The following RYR2 variants were observed in gnomAD, a reference collection of about 807,000 sequenced individuals.
RYR2 encodes cardiac muscle ryanodine receptor-calcium release channel.
RYR2 carries 227 observed loss-of-function variants against 601.1 expected under a neutral mutation model. The observed-to-expected ratio is 0.38, with a 90% confidence interval of 0.34 to 0.42. The LOEUF is 0.42. Among genes scored for constraint, RYR2 ranks in the 10% least tolerant of loss-of-function variants. The probability of loss-of-function intolerance (pLI) is 1.00; values close to 1 mark genes in which losing one functional copy is unlikely to be tolerated. For synonymous variants in RYR2, 2,223 were observed against 2,175.1 expected (o/e 1.02, Z -0.61); for missense variants, 4,646 against 6,156.5 (o/e 0.75, Z 8.21).
chr1:237,057,014 G>A (rs898105130), intron 1 of RYR2, among the ~76,000 whole-genome samples: 14 of 152,272 alleles, frequency 9.2e-5, no homozygotes, highest in African/African-American at 3.1e-4. Context: ...AGTAGGAGTC[G>A]AATTCAAGGC....
At chr1:237,513,745 C>T (rs967568048) in intron 24 of RYR2, among the ~76,000 whole-genome samples, 3 of 152,146 alleles carry the variant, frequency 2.0e-5, no homozygotes, top group African/African-American at 4.8e-5. Flanking sequence ...TAGGCTATAT[C>T]GTATAGCTTA....
At chr1:237,591,906 T>C (rs1223907202) in intron 32 of RYR2, 53 bp downstream of exon 32, 1 of 1,236,886 alleles carries the variant, frequency 8.1e-7, no homozygotes, top group Non-Finnish European at 1.2e-6. Context: ...CATTATGTTT[T>C]ACATCTCCAG....
chr1:237,481,869 A>G (rs958642088), intron 17 of RYR2, among the ~76,000 whole-genome samples: 2 of 149,982 alleles, frequency 1.3e-5, no homozygotes, highest in African/African-American at 4.9e-5. Flanking sequence ...TTGTGCCAAC[A>G]TGGAACTAGC....
chr1:237,048,897 G>A (rs944199991), intron 1 of RYR2, among the ~76,000 whole-genome samples: 25 of 152,222 alleles, frequency 1.6e-4, no homozygotes, highest in African/African-American at 5.5e-4. Flanking sequence ...AACATCACTT[G>A]AATGCGTCCA....
chr1:237,166,742 G>A, intron 1 of RYR2, among the ~76,000 whole-genome samples: 1 of 152,204 alleles, frequency 6.6e-6, no homozygotes, highest in Admixed American at 6.5e-5. Context: ...GTGACAAATT[G>A]TACTGCAGTG....
At chr1:237,487,967 G>A (rs1662882430) in intron 17 of RYR2, among the ~76,000 whole-genome samples, 1 of 151,952 alleles carries the variant, frequency 6.6e-6, no homozygotes, top group African/African-American at 2.4e-5. Context: ...CCCAAATTCT[G>A]AAAGCTTTCT....
chr1:237,124,885 C>T (rs148370236), intron 1 of RYR2, among the ~76,000 whole-genome samples: 426 of 152,306 alleles, frequency 2.8e-3, no homozygotes, highest in African/African-American at 9.7e-3. Flanking sequence ...TTTTGGGAAT[C>T]ACACATATGT....
At chr1:237,076,491 G>A (rs1323405244) in intron 1 of RYR2, among the ~76,000 whole-genome samples, 30 of 950 alleles carry the variant, frequency 0.032, no homozygotes, top group Admixed American at 0.066. Flanking sequence ...GAAGCCTCAG[G>A]AGCCGATGCG....
chr1:237,358,269 T>C (rs565194125), intron 4 of RYR2, among the ~76,000 whole-genome samples: 1 of 152,130 alleles, frequency 6.6e-6, no homozygotes, highest in African/African-American at 2.4e-5. Flanking sequence ...ATAGGTGAAC[T>C]TGAAGCTAAT....
In RYR2 at chr1:237,201,714, G is replaced by C. The variant is rs189753550; in HGVS notation, c.49-68783G>C. On this transcript the variant is annotated intron_variant, in intron 1 of 104. Transcript: ENST00000366574. ...GGGTGGAATTTTCACTGGATGAGGG[G>C]CTCCCAGGGCTGCTGAGGCCTCACT... Among the ~76,000 whole-genome samples, 9 of 152,170 alleles carry C rather than the reference G, an allele frequency of 5.9e-5. No individual in the cohort carries two copies. In the East Asian group the frequency reaches 1.5e-3, roughly 26 times the overall value.
rs1377224290 is a variant in RYR2, at chr1:237,172,835, G to T, written c.49-97662G>T. Among the ~76,000 whole-genome samples, 5 of 152,158 alleles carry T rather than the reference G, an allele frequency of 3.3e-5. No individual in the cohort carries two copies. In the East Asian group the frequency reaches 9.6e-4, roughly 29 times the overall value. On this transcript the variant is annotated intron_variant, in intron 1 of 104. Coordinates refer to ENST00000366574, the MANE Select transcript of RYR2 (RefSeq NM_001035.3). ...TTCGAGTCAGGACTCAGGTTTTCCT[G>T]TCTCTGGAACAGTCGTTTGTGTTAT... is the stretch of plus-strand genomic sequence containing the variant.
chr1:237,592,789 G>A (rs1268245820), intron 32 of RYR2, among the ~76,000 whole-genome samples: 1 of 152,052 alleles, frequency 6.6e-6, no homozygotes, highest in Non-Finnish European at 1.5e-5. Flanking sequence ...GGGAGGCTGA[G>A]GCAGGTGGAT....
At chr1:237,601,942 A>T (rs970800836) in intron 34 of RYR2, 83 bp from the exon 35 acceptor site, 2 of 1,105,994 alleles carry the variant, frequency 1.8e-6, no homozygotes, top group African/African-American at 3.2e-5. Context: ...TCTGTAAAGT[A>T]TTCCTTTGTT....
intron 94 of RYR2, among the ~76,000 whole-genome samples, chr1:237,793,327 C>A (rs1279410429): frequency 2.7e-5 from 4 of 150,836 alleles, no homozygotes; most frequent in African/African-American, 9.9e-5. Flanking sequence ...AAAAGAGAAT[C>A]ATTATGTTCT....
intron 1 of RYR2, among the ~76,000 whole-genome samples, chr1:237,065,084 C>T (rs140240587): frequency 2.6e-5 from 4 of 152,040 alleles, no homozygotes; most frequent in Admixed American, 1.3e-4. Flanking sequence ...AGCTGATACT[C>T]TCCAGTCATT....
chr1:237,560,833 G>A (rs1416322951), intron 27 of RYR2, among the ~76,000 whole-genome samples: 2 of 152,180 alleles, frequency 1.3e-5, no homozygotes, highest in African/African-American at 2.4e-5. Context: ...GGAACAGAGA[G>A]CAGACTGCAA....
intron 1 of RYR2, among the ~76,000 whole-genome samples, chr1:237,144,123 T>C (rs1014296148): frequency 2.2e-4 from 34 of 151,670 alleles, no homozygotes; most frequent in Non-Finnish European, 4.1e-4. Flanking sequence ...AGTGAGACTC[T>C]GTCTCAAAAA....
chr1:237,709,490 C>T lies in RYR2; in HGVS notation c.10153C>T (p.Leu3385=). 1 of 1,608,478 alleles carries T rather than the reference C, an allele frequency of 6.2e-7. No individual in the cohort carries two copies. Among genetic ancestry groups the T allele is most frequent in the Non-Finnish European group, 8.5e-7 (1 of 1,176,018 alleles). The change falls in exon 70 of 105, where the codon CTA becomes TTA. Residue 3385 remains leucine (L), a synonymous_variant. Coordinates refer to ENST00000366574, the MANE Select transcript of RYR2 (RefSeq NM_001035.3). ...RFVDYNRAKW[L]KEPNPEAEEL... is the part of the protein sequence containing the mutation. Reference sequence around the variant, plus strand: ...TATTATGTGATCCAGGGCAAAGTGGCTAAAGGAGCCTAACCCAGAAGCAGA... The same window carrying T: ...TATTATGTGATCCAGGGCAAAGTGGTTAAAGGAGCCTAACCCAGAAGCAGA...
intron 77 of RYR2, among the ~76,000 whole-genome samples, chr1:237,731,172 G>A (rs1690643630): frequency 6.6e-6 from 1 of 151,754 alleles, no homozygotes; most frequent in Non-Finnish European, 1.5e-5. Flanking sequence ...ATATCTTGTG[G>A]AAATCTGCCC....
Sources: gnomAD v4.1 joint callset for allele counts (sites outside exome capture counted in the v4.1 genomes callset) on GRCh38, gnomAD v4.1.1 for gene constraint, MANE v1.5 for transcripts, NCBI Gene and HGNC (gene_info 2026-07-23, HGNC 2026-07-21) for gene names.